The following LUC7L variants were observed in gnomAD, a reference collection of about 807,000 sequenced individuals.
LUC7L encodes putative RNA-binding protein Luc7-like 1.
In LUC7L, 29 loss-of-function variants were observed where a neutral mutation model predicts 51.1. The ratio of observed to expected loss-of-function variants is 0.57; its 90% confidence interval spans 0.42 to 0.77. The LOEUF (loss-of-function observed/expected upper bound fraction) is 0.77, where lower values mean the gene tolerates loss of function less well. Among genes scored for constraint, LUC7L ranks in the 30% least tolerant of loss-of-function variants. The pLI, the probability that LUC7L is intolerant of heterozygous loss-of-function variation, is 0.00. For missense variants in LUC7L, 403 were observed against 511.9 expected (o/e 0.79, Z 2.05); for synonymous variants, 181 against 180.7 (o/e 1.00, Z -0.01).
intron 2 of LUC7L, among the ~76,000 whole-genome samples, chr16:223,530 C>T (rs948712337): frequency 6.6e-6 from 1 of 152,124 alleles, no homozygotes; most frequent in African/African-American, 2.4e-5. Context: ...ATCATTCTTA[C>T]TCTGAAGTCA....
chr16:196,205 C>A (rs972535530), intron 6 of LUC7L, among the ~76,000 whole-genome samples: 2 of 152,032 alleles, frequency 1.3e-5, no homozygotes, highest in South Asian at 4.1e-4. Flanking sequence ...CTCAGGAGTT[C>A]GAGATCAGCC....
intron 5 of LUC7L, among the ~76,000 whole-genome samples, chr16:204,405 AAC>A (rs1247969727): frequency 6.6e-6 from 1 of 152,140 alleles, no homozygotes; most frequent in Non-Finnish European, 1.5e-5. Context: ...CATCCTGGCT[AAC>A]ACAGTGAAAC....
At chr16:220,914 A>G (rs2049946696) in intron 2 of LUC7L, among the ~76,000 whole-genome samples, 167 bp from the exon 3 acceptor site, 1 of 152,248 alleles carries the variant, frequency 6.6e-6, no homozygotes, top group African/African-American at 2.4e-5. Context: ...GCCTCATTTC[A>G]CTTTTACCAT....
intron 5 of LUC7L, 32 bp from the exon 6 acceptor site, chr16:199,270 G>A (rs1450315831): frequency 2.0e-6 from 3 of 1,488,156 alleles, no homozygotes; most frequent in African/African-American, 1.4e-5. Flanking sequence ...ATAAAAGTGA[G>A]GTATATAGAA....
chr16:191,948 T>C (rs536385164), intron 7 of LUC7L, among the ~76,000 whole-genome samples: 52 of 152,250 alleles, frequency 3.4e-4, no homozygotes, highest in African/African-American at 1.2e-3. Context: ...TCCAGGAGGA[T>C]GTGGATACTT....
At chr16:213,133 AGTTT>A (rs2049692496) in intron 3 of LUC7L, among the ~76,000 whole-genome samples, 1 of 152,180 alleles carries the variant, frequency 6.6e-6, no homozygotes, top group African/African-American at 2.4e-5. Flanking sequence ...TGAGAAACTT[AGTTT>A]ATTTATAGAC....
intron 5 of LUC7L, 147 bp from the exon 6 acceptor site, chr16:199,385 TA>T: frequency 3.3e-6 from 2 of 613,416 alleles, no homozygotes; most frequent in Non-Finnish European, 5.6e-6. Context: ...CAGATATTTA[TA>T]ACCAACTCAA....
intron 5 of LUC7L, among the ~76,000 whole-genome samples, chr16:205,506 A>G (rs2049457026): frequency 6.6e-6 from 1 of 152,196 alleles, no homozygotes; most frequent in South Asian, 2.1e-4. Context: ...GGAATGGAGG[A>G]GGCTGTCTGA....
Position 194,181 on chromosome 16 carries a change from G to A in LUC7L, c.688-1166C>T, listed in dbSNP as rs185166355. ...TGCAGTGGCGCAATCACAGCTCACCGGAGCCTTGACCTCCCAGGCTCAAGC... is the reference window on the plus strand; with the variant it reads ...TGCAGTGGCGCAATCACAGCTCACCAGAGCCTTGACCTCCCAGGCTCAAGC... On this transcript the variant is annotated intron_variant, in intron 6 of 9. Transcript: ENST00000293872. Among the ~76,000 whole-genome samples, 956 of 151,936 alleles carry A rather than the reference G, an allele frequency of 6.3e-3. 11 individuals are homozygous for A. Among genetic ancestry groups the A allele is most frequent in the African/African-American group, 0.021 (885 of 41,428 alleles).
intron 6 of LUC7L, among the ~76,000 whole-genome samples, chr16:194,529 T>C (rs1035763124): frequency 3.3e-5 from 5 of 152,190 alleles, no homozygotes; most frequent in Admixed American, 6.6e-5. Context: ...ACAAACTTTA[T>C]GGTAAAAAAG....
At chr16:200,634 C>A (rs2049297222) in intron 5 of LUC7L, among the ~76,000 whole-genome samples, 1 of 152,014 alleles carries the variant, frequency 6.6e-6, no homozygotes, top group African/African-American at 2.4e-5. Context: ...ATAATCTCAG[C>A]ACTTTAGGAG....
At chr16:225,786 G>C (rs1339638932) in intron 2 of LUC7L, among the ~76,000 whole-genome samples, 1 of 149,536 alleles carries the variant, frequency 6.7e-6, no homozygotes, top group Non-Finnish European at 1.5e-5. Flanking sequence ...CACCCAGCCT[G>C]AAATTCTGTC....
At chr16:223,088 G>T (rs1369991057) in intron 2 of LUC7L, among the ~76,000 whole-genome samples, 3 of 151,552 alleles carry the variant, frequency 2.0e-5, no homozygotes, top group Admixed American at 2.0e-4. Context: ...GGCTGGGCAC[G>T]GTGGCTCACT....
chr16:193,166 C>G (rs1200815079), intron 6 of LUC7L, 151 bp from the exon 7 acceptor site: 10 of 676,678 alleles, frequency 1.5e-5, no homozygotes, highest in Non-Finnish European at 2.6e-5. Flanking sequence ...TTTTTTTTCT[C>G]TTTGAAACGG....
chr16:201,169 A>AG (rs1272649128), intron 5 of LUC7L, among the ~76,000 whole-genome samples: 10 of 63,072 alleles, frequency 1.6e-4, no homozygotes, highest in South Asian at 9.8e-4. Context: ...ACTCTGTCTG[A>AG]GAAAAAAAAA....
rs377585117 is a variant in LUC7L at position 227,472 on chromosome 16, G to A, written c.62-136C>T. 31 of 1,461,062 alleles carry A rather than the reference G, an allele frequency of 2.1e-5. No homozygotes were observed. The East Asian group carries it at 3.0e-4, about 14-fold the overall frequency. The allele number at this position is 1,461,062 out of a possible 1,614,324, so 90.5% of individuals were successfully genotyped here. On this transcript the variant is annotated intron_variant, in intron 1 of 9. Coordinates refer to ENST00000293872, the MANE Select transcript of LUC7L (RefSeq NM_201412.3). ...TCCCCATCAAATGCAATGAAAAGCT[G>A]ATCTAAAGATATTTACAACTGGAGT...
intron 3 of LUC7L, 29 bp downstream of exon 3, chr16:220,620 G>A (rs751206835): frequency 2.0e-6 from 3 of 1,496,778 alleles, no homozygotes; most frequent in Admixed American, 3.4e-5. Flanking sequence ...CTTCGCAGTA[G>A]GAATAAATCA....
intron 2 of LUC7L, among the ~76,000 whole-genome samples, chr16:224,647 T>C (rs914747150): frequency 3.3e-5 from 5 of 151,248 alleles, no homozygotes; most frequent in Non-Finnish European, 7.4e-5. Context: ...CTGGCCAACA[T>C]GATGAAACCC....
At chr16:203,349 A>T (rs1332803069) in intron 5 of LUC7L, among the ~76,000 whole-genome samples, 1 of 152,174 alleles carries the variant, frequency 6.6e-6, no homozygotes, top group East Asian at 1.9e-4. Flanking sequence ...AAATAGAAGC[A>T]GAGAGAGTAT....
Sources: allele counts gnomAD v4.1 joint callset (sites outside exome capture counted in the v4.1 genomes callset), GRCh38; gene constraint gnomAD v4.1.1; transcripts MANE v1.5; gene names NCBI Gene and HGNC (gene_info 2026-07-23, HGNC 2026-07-21).